Variants in SETBP1 observed in about 807,000 individuals in gnomAD.
SETBP1 encodes SET binding protein 1, also known as SET-binding protein.
A neutral mutation model predicts 101.0 loss-of-function variants in SETBP1; 9 were observed. The ratio of observed to expected loss-of-function variants is 0.09; its 90% CI spans 0.05 to 0.16. The LOEUF (loss-of-function observed/expected upper bound fraction) is 0.16, where lower values mean the gene tolerates loss of function less well. SETBP1 is among the 10% of genes least tolerant of loss of function. SETBP1 has a pLI of 1.00. For missense variants in SETBP1, 1,858 were observed against 2,033.8 expected, an observed-to-expected ratio of 0.91 and a Z score of 1.66; for synonymous variants, 818 against 788.5, an observed-to-expected ratio of 1.04 and a Z score of -0.63.
intron 2 of SETBP1, among the ~76,000 whole-genome samples, chr18:44,807,265 T>A (rs2071765899): frequency 1.3e-5 from 2 of 152,212 alleles, no homozygotes; most frequent in Admixed American, 1.3e-4. Flanking sequence ...GCACTGTAGA[T>A]CTAAAGTTTA....
At chr18:44,790,022 C>T (rs1321264638) in intron 2 of SETBP1, among the ~76,000 whole-genome samples, 2 of 152,114 alleles carry the variant, frequency 1.3e-5, no homozygotes, top group Admixed American at 6.5e-5. Context: ...AACCAAATCC[C>T]CACCCATCAT....
At chr18:44,946,200 G>A (rs2071203692) in intron 3 of SETBP1, among the ~76,000 whole-genome samples, 1 of 152,136 alleles carries the variant, frequency 6.6e-6, no homozygotes, top group Admixed American at 6.5e-5. Flanking sequence ...CTGATCCTTT[G>A]TTGTGCTTCC....
chr18:44,838,701 G>A (rs1345856839), intron 2 of SETBP1, among the ~76,000 whole-genome samples: 1 of 152,182 alleles, frequency 6.6e-6, no homozygotes, highest in Non-Finnish European at 1.5e-5. Flanking sequence ...GGTATGGGGT[G>A]GGCTGGATAG....
chr18:44,748,187 G>A (rs1019639820), intron 2 of SETBP1, among the ~76,000 whole-genome samples: 6 of 152,002 alleles, frequency 3.9e-5, no homozygotes, highest in African/African-American at 1.5e-4. Flanking sequence ...TGGAAAGGAT[G>A]GAAAGGAAGG....
chr18:44,960,125 G>A (rs375086878), intron 4 of SETBP1, among the ~76,000 whole-genome samples: 128 of 152,106 alleles, frequency 8.4e-4, no homozygotes, highest in African/African-American at 2.9e-3. Flanking sequence ...TTGAACTCCT[G>A]ACCTCAAGTG....
intron 3 of SETBP1, among the ~76,000 whole-genome samples, chr18:44,880,660 A>G (rs1440720864): frequency 2.6e-5 from 4 of 152,156 alleles, no homozygotes; most frequent in Admixed American, 6.5e-5. Context: ...GGCCGAAGGT[A>G]AAGGGAAAGC....
chr18:44,688,402 C>T (rs1452718568), intron 1 of SETBP1, among the ~76,000 whole-genome samples: 1 of 151,996 alleles, frequency 6.6e-6, no homozygotes, highest in Non-Finnish European at 1.5e-5. Context: ...CTAATGAAAT[C>T]TGCGTGGCAA....
intron 3 of SETBP1, among the ~76,000 whole-genome samples, chr18:44,875,897 A>G (rs1351658843): frequency 2.6e-5 from 4 of 152,234 alleles, no homozygotes; most frequent in Non-Finnish European, 4.4e-5. Flanking sequence ...ATGCTACGCC[A>G]TCTTGAATTA....
intron 5 of SETBP1, among the ~76,000 whole-genome samples, chr18:45,046,779 C>A (rs1416052487): frequency 2.6e-5 from 4 of 152,206 alleles, no homozygotes; most frequent in African/African-American, 9.7e-5. Flanking sequence ...TTGGGCATCT[C>A]AATTCCCAAA....
chr18:45,043,547 G>T (rs1369837890), intron 5 of SETBP1, among the ~76,000 whole-genome samples: 1 of 152,096 alleles, frequency 6.6e-6, no homozygotes, highest in Non-Finnish European at 1.5e-5. Context: ...ACAGCTCTTA[G>T]CTTCTATCTG....
intron 2 of SETBP1, among the ~76,000 whole-genome samples, chr18:44,804,645 A>T (rs1162983504): frequency 1.3e-5 from 2 of 152,140 alleles, no homozygotes; most frequent in Non-Finnish European, 2.9e-5. Context: ...ATGAGAGAAC[A>T]TGCAGTTCTA....
intron 2 of SETBP1, among the ~76,000 whole-genome samples, chr18:44,841,559 G>A: frequency 6.6e-6 from 1 of 152,230 alleles, no homozygotes; most frequent in East Asian, 1.9e-4. Context: ...CCAAACTCAT[G>A]TGACTCCATG....
In SETBP1 at chr18:44,806,623, C is replaced by CTTTTTTTTTTTTTTTTTT. The variant is rs71177656; in HGVS notation, c.487-62583_487-62566dup. Among the ~76,000 whole-genome samples, 2 of 27,786 alleles carry CTTTTTTTTTTTTTTTTTT rather than the reference C, an allele frequency of 7.2e-5. 1 individual carries two copies. Among genetic ancestry groups the CTTTTTTTTTTTTTTTTTT allele is most frequent in the Non-Finnish European group, 1.5e-4 (2 of 13,674 alleles). The allele number at this position is 27,786 out of a possible 152,430, so 18.2% of individuals were successfully genotyped here. A position where few individuals can be genotyped will look rare whatever the true frequency, so the allele number is the denominator to read the frequency against. Reference sequence around the variant, plus strand: ...GTAGACTTTGGCTCATAATGAGCTCCTTTTTTTTTTTTTTTTTTTTTTTTT... The same window carrying CTTTTTTTTTTTTTTTTTT: ...GTAGACTTTGGCTCATAATGAGCTCCTTTTTTTTTTTTTTTTTTTTTTTTTTTTTTTTTTTTTTTTTTT... On this transcript the variant is annotated intron_variant, in intron 2 of 5. Coordinates refer to ENST00000649279, the MANE Select transcript of SETBP1 (RefSeq NM_015559.3).
intron 2 of SETBP1, among the ~76,000 whole-genome samples, chr18:44,848,274 G>T (rs1435087675): frequency 6.6e-6 from 1 of 152,146 alleles, no homozygotes; most frequent in Non-Finnish European, 1.5e-5. Context: ...AGGCCTTAAA[G>T]CTCATGGTAA....
chr18:44,760,654 A>G (rs2070617415), intron 2 of SETBP1, among the ~76,000 whole-genome samples: 1 of 152,212 alleles, frequency 6.6e-6, no homozygotes, highest in Admixed American at 6.5e-5. Flanking sequence ...AATCAAATTC[A>G]AATTTCAAGT....
Position 44,773,510 on chromosome 18 carries a change from C to T in SETBP1, c.486+71678C>T, listed in dbSNP as rs182159463. Among the ~76,000 whole-genome samples the T allele has an allele frequency of 5.0e-3, 760 of 152,328 alleles. 6 individuals are homozygous for T. Among genetic ancestry groups the T allele is most frequent in the Non-Finnish European group, 6.8e-3 (462 of 68,028 alleles). ...CACCTCCCTCCCCTCTTCTTCACAA[C>T]AGAGCATTGAAGTTATGTTTTTAAC... On this transcript the variant is annotated intron_variant, in intron 2 of 5. Coordinates refer to ENST00000649279, the MANE Select transcript of SETBP1 (RefSeq NM_015559.3).
chr18:44,840,073 C>T (rs148390394), intron 2 of SETBP1, among the ~76,000 whole-genome samples: 4 of 152,288 alleles, frequency 2.6e-5, no homozygotes, highest in East Asian at 1.9e-4. Context: ...TGTGCATGGT[C>T]GAATTCTCTC....
chr18:44,753,685 G>A (rs930993257), intron 2 of SETBP1, among the ~76,000 whole-genome samples: 1 of 152,238 alleles, frequency 6.6e-6, no homozygotes, highest in African/African-American at 2.4e-5. Flanking sequence ...CATGTTGGAG[G>A]TACGGAATGT....
At chr18:44,869,333 G>C (rs757963725) in intron 3 of SETBP1, 50 bp downstream of exon 3, 1 of 1,562,764 alleles carries the variant, frequency 6.4e-7, no homozygotes, top group Non-Finnish European at 8.8e-7. Flanking sequence ...AAATGATCCA[G>C]AGTTTGGTTG....
Sources: allele counts gnomAD v4.1 joint callset (sites outside exome capture counted in the v4.1 genomes callset), GRCh38; gene constraint gnomAD v4.1.1; transcripts MANE v1.5; gene names NCBI Gene and HGNC (gene_info 2026-07-23, HGNC 2026-07-21).